Variants in KBTBD2 observed in about 807,000 individuals in gnomAD.
KBTBD2 encodes kelch repeat and BTB domain containing 2, also known as kelch repeat and BTB domain-containing protein 2.
Under a neutral mutation model 57.1 loss-of-function variants are expected in KBTBD2, and 17 were observed. The ratio of observed to expected loss-of-function variants is 0.30; its 90% CI spans 0.20 to 0.45. The LOEUF (loss-of-function observed/expected upper bound fraction) is 0.45. KBTBD2 is among the 20% of genes least tolerant of loss of function. KBTBD2 has a pLI of 1.00. For missense variants in KBTBD2, 515 were observed against 750.6 expected, an observed-to-expected ratio of 0.69 and a Z score of 3.67; for synonymous variants, 267 against 262.7, an observed-to-expected ratio of 1.02 and a Z score of -0.16.
At chr7:32,890,762 G>A (rs767102654) in intron 1 of KBTBD2, among the ~76,000 whole-genome samples, 7 of 152,112 alleles carry the variant, frequency 4.6e-5, no homozygotes, top group Non-Finnish European at 8.8e-5. Flanking sequence ...ACTGGAAGGG[G>A]TCACCGTGGT....
At chr7:32,891,990 A>G (rs1018447726), upstream of KBTBD2, 2 of 108,982 alleles carry the variant, frequency 1.8e-5, no homozygotes, top group Non-Finnish European at 3.5e-5. Context: ...CGCCCTCGCC[A>G]CGCCGCCCTC....
Position 32,868,415 on chromosome 7 carries a change from C to G in KBTBD2, c.*930G>C, listed in dbSNP as rs771150757. 1 of 152,502 alleles carries G rather than the reference C, an allele frequency of 6.6e-6. No homozygotes were observed. Among genetic ancestry groups the G allele is most frequent in the Admixed American group, 6.6e-5 (1 of 15,266 alleles). 9.4% of individuals were successfully genotyped at this position (152,502 alleles called of 1,614,324 possible). A position where few individuals can be genotyped will look rare whatever the true frequency, so the allele number is the denominator to read the frequency against. ...CACCTTACTAATCCTAACCCCCACA[C>G]GCACACAACAGGTTAAAAAAAACAC... On this transcript the variant is annotated 3_prime_UTR_variant, in exon 4 of 4. Coordinates refer to ENST00000304056, the MANE Select transcript of KBTBD2 (RefSeq NM_015483.3).
At chr7:32,870,982 A>G (rs1784164642) in intron 3 of KBTBD2, 102 bp from the exon 4 acceptor site, 2 of 665,734 alleles carry the variant, frequency 3.0e-6, no homozygotes, top group Non-Finnish European at 2.5e-6. Context: ...CCATAGTGTA[A>G]TTTTTATTTT....
intron 3 of KBTBD2, 148 bp from the exon 4 acceptor site, chr7:32,871,028 G>C (rs971778978): frequency 1.8e-6 from 1 of 563,274 alleles, no homozygotes; most frequent in Admixed American, 3.6e-5. Context: ...AAGGTCTTCT[G>C]GTAGTAATAA....
chr7:32,887,612 C>T (rs1366808938), intron 1 of KBTBD2, among the ~76,000 whole-genome samples: 1 of 152,190 alleles, frequency 6.6e-6, no homozygotes, highest in Admixed American at 6.5e-5. Context: ...CTGTAGGAAG[C>T]ACATTCAAAT....
chr7:32,889,608 T>G (rs942129717), intron 1 of KBTBD2, among the ~76,000 whole-genome samples: 59 of 152,042 alleles, frequency 3.9e-4, no homozygotes, highest in African/African-American at 1.4e-3. Context: ...AAAAAAAAAT[T>G]ACTTGAGATC....
intron 1 of KBTBD2, chr7:32,891,204 C>A (rs991832557): frequency 8.6e-5 from 13 of 150,954 alleles, no homozygotes; most frequent in African/African-American, 2.7e-4. Flanking sequence ...GAGGCCAAGG[C>A]GCCGCCCGGG....
intron 1 of KBTBD2, among the ~76,000 whole-genome samples, chr7:32,889,951 G>A (rs1301890000): frequency 2.6e-5 from 4 of 152,230 alleles, no homozygotes; most frequent in African/African-American, 9.6e-5. Context: ...CCAACCAGAA[G>A]AAAATCTATG....
At chr7:32,887,153 T>G (rs969805680) in intron 1 of KBTBD2, among the ~76,000 whole-genome samples, 1 of 152,146 alleles carries the variant, frequency 6.6e-6, no homozygotes. Context: ...TAAAGAACTA[T>G]TGAATGTGAT....
At chr7:32,888,947 T>C (rs1784655331) in intron 1 of KBTBD2, among the ~76,000 whole-genome samples, 1 of 152,152 alleles carries the variant, frequency 6.6e-6, no homozygotes, top group Non-Finnish European at 1.5e-5. Flanking sequence ...ATCATATGAG[T>C]ATACTATGTC....
At chr7:32,883,791 A>G (rs1784500905) in intron 1 of KBTBD2, among the ~76,000 whole-genome samples, 1 of 152,214 alleles carries the variant, frequency 6.6e-6, no homozygotes, top group African/African-American at 2.4e-5. Context: ...TGCACTTTAC[A>G]TACTCGGATT....
In KBTBD2 at chr7:32,888,174, A is replaced by C. The variant is rs546741685; in HGVS notation, c.-339+3362T>G. Among the ~76,000 whole-genome samples the C allele has an allele frequency of 3.2e-4, 48 of 152,314 alleles. No individual in the cohort carries two copies. The South Asian group carries it at 9.3e-3, about 30-fold the overall frequency. Reference sequence around the variant, plus strand: ...TTTTTTGCAAACATTTGACACTTGAAATCTGAATTCAGTGTTCTAAAATAT... The same window carrying C: ...TTTTTTGCAAACATTTGACACTTGACATCTGAATTCAGTGTTCTAAAATAT... On this transcript the variant is annotated intron_variant, in intron 1 of 3. Transcript: ENST00000304056.
At chr7:32,875,236 A>T (rs1381757660) in intron 2 of KBTBD2, 79 bp from the exon 3 acceptor site, 1 of 1,254,106 alleles carries the variant, frequency 8.0e-7, no homozygotes, top group Admixed American at 2.0e-5. Context: ...CAATTAGACA[A>T]TAAGAGGTGT....
chr7:32,880,566 A>G (rs1210256599), intron 1 of KBTBD2, among the ~76,000 whole-genome samples: 1 of 151,362 alleles, frequency 6.6e-6, no homozygotes, highest in Admixed American at 6.6e-5. Flanking sequence ...AAAAAAACAT[A>G]AAATGTAATG....
intron 1 of KBTBD2, among the ~76,000 whole-genome samples, chr7:32,890,021 T>G (rs891610992): frequency 6.6e-6 from 1 of 152,232 alleles, no homozygotes; most frequent in Non-Finnish European, 1.5e-5. Context: ...ACATGCCCTG[T>G]GAATAACATA....
intron 1 of KBTBD2, among the ~76,000 whole-genome samples, chr7:32,885,114 G>A (rs1384623316): frequency 4.7e-5 from 7 of 150,526 alleles, no homozygotes; most frequent in Admixed American, 2.0e-4. Flanking sequence ...ACGTTCAAGC[G>A]ATCCACTTGC....
At chr7:32,890,927 G>A (rs920317872) in intron 1 of KBTBD2, 2 of 152,188 alleles carry the variant, frequency 1.3e-5, no homozygotes, top group Non-Finnish European at 2.9e-5. Flanking sequence ...TAGGGAGAAG[G>A]AGGTGGTCGA....
At chr7:32,880,688 C>A (rs1385101537) in intron 1 of KBTBD2, among the ~76,000 whole-genome samples, 6 of 152,040 alleles carry the variant, frequency 3.9e-5, no homozygotes, top group Non-Finnish European at 8.8e-5. Context: ...AGGGATTTAT[C>A]TGGAAGAATG....
At chr7:32,875,959 G>A (rs1408742185) in intron 2 of KBTBD2, among the ~76,000 whole-genome samples, 2 of 152,142 alleles carry the variant, frequency 1.3e-5, no homozygotes, top group African/African-American at 4.8e-5. Context: ...GGAAATGGTT[G>A]TGTAACTGTA....
Sources: gnomAD v4.1 joint callset for allele counts (sites outside exome capture counted in the v4.1 genomes callset) on GRCh38, gnomAD v4.1.1 for gene constraint, MANE v1.5 for transcripts, NCBI Gene and HGNC (gene_info 2026-07-23, HGNC 2026-07-21) for gene names.